The following MYT1L variants were observed in gnomAD, a reference collection of about 807,000 sequenced individuals.
MYT1L encodes the protein myelin transcription factor 1 like, also known as myelin transcription factor 1-like protein.
In MYT1L, 12 loss-of-function variants were observed where a neutral mutation model predicts 126.7. That is an observed-to-expected ratio of 0.09 (90% confidence interval 0.06 to 0.15). The LOEUF is 0.15. MYT1L is among the 10% of genes least tolerant of loss of function. MYT1L has a pLI of 1.00. For synonymous variants in MYT1L, 541 were observed against 604.2 expected (o/e 0.90, Z 1.53); for missense variants, 979 against 1,585.2 (o/e 0.62, Z 6.49).
At chr2:2,091,474 T>C (rs201581950) in intron 3 of MYT1L, among the ~76,000 whole-genome samples, 1 of 152,222 alleles carries the variant, frequency 6.6e-6, no homozygotes, top group East Asian at 1.9e-4. Context: ...GATCCATTTA[T>C]AGAGCAAGAG....
chr2:2,005,797 TGTG>T (rs1423458459), intron 4 of MYT1L, among the ~76,000 whole-genome samples: 1 of 147,556 alleles, frequency 6.8e-6, no homozygotes, highest in East Asian at 2.1e-4. Context: ...CGTTCTTTCC[TGTG>T]TGCCTTTCCT....
chr2:2,280,982 C>T (rs1216734932), intron 2 of MYT1L, among the ~76,000 whole-genome samples: 1 of 152,092 alleles, frequency 6.6e-6, no homozygotes, highest in Non-Finnish European at 1.5e-5. Context: ...TGTTTTATAC[C>T]AAATGTACAC....
intron 19 of MYT1L, among the ~76,000 whole-genome samples, chr2:1,849,646 GC>G (rs1005810355): frequency 6.6e-6 from 1 of 152,248 alleles, no homozygotes; most frequent in Non-Finnish European, 1.5e-5. Context: ...ACGGCAAACA[GC>G]CATCTGCCCC....
intron 4 of MYT1L, among the ~76,000 whole-genome samples, chr2:2,000,291 G>A (rs1213470461): frequency 6.6e-6 from 1 of 152,134 alleles, no homozygotes; most frequent in Non-Finnish European, 1.5e-5. Flanking sequence ...CAGGGCAGGG[G>A]GGTCAAGAAC....
At chr2:2,081,215 A>G (rs1405702623) in intron 3 of MYT1L, among the ~76,000 whole-genome samples, 1 of 152,222 alleles carries the variant, frequency 6.6e-6, no homozygotes, top group East Asian at 1.9e-4. Context: ...TAGAGACAGC[A>G]AAGGGAAAAC....
chr2:2,226,069 C>A (rs570622188), intron 2 of MYT1L, among the ~76,000 whole-genome samples: 1 of 152,086 alleles, frequency 6.6e-6, no homozygotes, highest in Admixed American at 6.5e-5. Flanking sequence ...GCCTTTCTGG[C>A]ACCTTTTCTT....
At chr2:2,328,641 C>A (rs1041771612) in intron 1 of MYT1L, among the ~76,000 whole-genome samples, 2 of 152,180 alleles carry the variant, frequency 1.3e-5, no homozygotes, top group African/African-American at 4.8e-5. Flanking sequence ...TTCTACCTTA[C>A]TGTGACACCA....
At chr2:1,915,768 T>C (rs1328756738) in intron 11 of MYT1L, among the ~76,000 whole-genome samples, 1 of 152,146 alleles carries the variant, frequency 6.6e-6, no homozygotes, top group Non-Finnish European at 1.5e-5. Context: ...CTTACTTGAG[T>C]AAGTTAGTAC....
intron 9 of MYT1L, among the ~76,000 whole-genome samples, chr2:1,942,252 G>A (rs1268423110): frequency 6.6e-6 from 1 of 152,182 alleles, no homozygotes; most frequent in Non-Finnish European, 1.5e-5. Flanking sequence ...GGTTAGTTCT[G>A]AAGTGGTATT....
intron 4 of MYT1L, among the ~76,000 whole-genome samples, chr2:2,026,709 G>C (rs2065627704): frequency 6.6e-6 from 1 of 152,162 alleles, no homozygotes; most frequent in Admixed American, 6.5e-5. Flanking sequence ...GGGAGGTACA[G>C]GGAACCTCTC....
Position 1,925,237 on chromosome 2 carries a change from G to T in MYT1L, c.506-1974C>A, listed in dbSNP as rs141868907. The stretch of plus-strand genomic sequence containing the variant: ...TTTATGGAACTCATTGTGTGGTCCT[G>T]AAGAATTTGGAAAAGAAGCAAGACC... On this transcript the variant is annotated intron_variant, in intron 9 of 24. Transcript: ENST00000647738. Among the ~76,000 whole-genome samples, 432 of 152,310 alleles carry T rather than the reference G, an allele frequency of 2.8e-3. 2 individuals are homozygous for T. The highest frequency in any genetic ancestry group is 9.7e-3 in the African/African-American group (405 of 41,562).
intron 19 of MYT1L, among the ~76,000 whole-genome samples, chr2:1,846,124 C>T (rs1346739324): frequency 1.3e-5 from 2 of 152,232 alleles, no homozygotes; most frequent in African/African-American, 4.8e-5. Context: ...CTCAAGGCCA[C>T]TGCCCTGAGG....
chr2:2,037,767 CA>C (rs201804690), intron 4 of MYT1L, among the ~76,000 whole-genome samples: 1,752 of 148,840 alleles, frequency 0.012, 14 homozygotes, highest in Non-Finnish European at 0.02. Context: ...AAAAACAAAA[CA>C]AAACAAAACA....
At chr2:1,832,783 A>G (rs1470190341) in intron 21 of MYT1L, among the ~76,000 whole-genome samples, 1 of 152,128 alleles carries the variant, frequency 6.6e-6, no homozygotes, top group African/African-American at 2.4e-5. Flanking sequence ...TGGCTCCTGA[A>G]GGGCCCTGGC....
chr2:2,201,093 C>A (rs2093053355), intron 2 of MYT1L, among the ~76,000 whole-genome samples: 1 of 152,158 alleles, frequency 6.6e-6, no homozygotes. Context: ...ATTGCCATGC[C>A]AACTACTGAG....
In MYT1L at chr2:1,910,713, T is replaced by C. The variant is rs1395006678; in HGVS notation, c.1710-366A>G. On this transcript the variant is annotated intron_variant, in intron 12 of 24. Coordinates refer to ENST00000647738, the MANE Select transcript of MYT1L (RefSeq NM_001303052.2). The surrounding 1 kb of genome is among the most constrained non-coding windows in gnomAD (Gnocchi z 4.8). ...TTAACAGCTTGGGTAGGATGAGTTTTGAAGCCCCAGAATGGCAATGAATTG... is the reference window on the plus strand; with the variant it reads ...TTAACAGCTTGGGTAGGATGAGTTTCGAAGCCCCAGAATGGCAATGAATTG... 6.6e-6 allele frequency among the ~76,000 whole-genome samples: 1 copy of C among 152,170 alleles called. No homozygotes were observed. The highest frequency in any genetic ancestry group is 1.5e-5 in the Non-Finnish European group (1 of 68,024).
At chr2:1,930,566 C>G (rs2054822639) in intron 9 of MYT1L, among the ~76,000 whole-genome samples, 1 of 152,194 alleles carries the variant, frequency 6.6e-6, no homozygotes, top group Non-Finnish European at 1.5e-5. Flanking sequence ...TGCCCAGGTC[C>G]TGCGGGCAGA....
chr2:2,229,062 T>C (rs1368629797), intron 2 of MYT1L, among the ~76,000 whole-genome samples: 2 of 152,208 alleles, frequency 1.3e-5, no homozygotes, highest in Non-Finnish European at 2.9e-5. Context: ...TACAAATGTA[T>C]CACTCTGTGT....
intron 1 of MYT1L, among the ~76,000 whole-genome samples, chr2:2,327,521 G>A (rs1176041456): frequency 2.6e-5 from 4 of 152,130 alleles, no homozygotes; most frequent in African/African-American, 9.7e-5. Context: ...ATAGGAAAAT[G>A]CATAACATCA....
Sources: allele counts gnomAD v4.1 joint callset (sites outside exome capture counted in the v4.1 genomes callset), GRCh38; gene constraint gnomAD v4.1.1; non-coding constraint Gnocchi (gnomAD v3.1); transcripts MANE v1.5; gene names NCBI Gene and HGNC (gene_info 2026-07-23, HGNC 2026-07-21).